RC3H2: variants seen among roughly 807,000 people sequenced by gnomAD.
The protein encoded by RC3H2 is roquin-2.
A neutral mutation model predicts 133.3 loss-of-function variants in RC3H2; 31 were observed. That is an observed-to-expected ratio of 0.23 (90% confidence interval 0.17 to 0.31). RC3H2 has a LOEUF of 0.31. Among genes scored for constraint, RC3H2 ranks in the 10% least tolerant of loss-of-function variants. The pLI is 1.00. For missense variants in RC3H2, 1,175 were observed against 1,437.2 expected (o/e 0.82, Z 2.95); for synonymous variants, 517 against 502.2 (o/e 1.03, Z -0.40).
intron 1 of RC3H2, among the ~76,000 whole-genome samples, chr9:122,902,538 A>G (rs1832696055): frequency 6.6e-6 from 1 of 152,160 alleles, no homozygotes; most frequent in Non-Finnish European, 1.5e-5. Context: ...ATTTTCTGGT[A>G]GTCACATTAA....
chr9:122,855,476 G>A lies in RC3H2; in HGVS notation c.2602-79C>T, dbSNP rs1049683803. The stretch of plus-strand genomic sequence containing the variant: ...GTAAATATATGCTATCAAAAGACAT[G>A]TAATTAGGTTTTTTGGTTAATTTAA... On this transcript the variant is annotated intron_variant, in intron 14 of 20. Coordinates refer to ENST00000357244, the MANE Select transcript of RC3H2 (RefSeq NM_001100588.3). The A allele has an allele frequency of 8.9e-6, 12 of 1,349,004 alleles. No individual in the cohort carries two copies. In the African/African-American group the frequency reaches 1.2e-4, roughly 13 times the overall value. The allele number at this position is 1,349,004 out of a possible 1,614,324, so 83.6% of individuals were successfully genotyped here. A position where few individuals can be genotyped will look rare whatever the true frequency, so the allele number is the denominator to read the frequency against.
At chr9:122,880,494 T>C (rs972630592) in intron 6 of RC3H2, 100 bp downstream of exon 6, 193 of 923,454 alleles carry the variant, frequency 2.1e-4, no homozygotes, top group Admixed American at 1.5e-3. Flanking sequence ...TTTAAAAACA[T>C]AGGAATCTCC....
At chr9:122,885,330 A>G (rs181728764) in intron 4 of RC3H2, among the ~76,000 whole-genome samples, 98 of 152,376 alleles carry the variant, frequency 6.4e-4, no homozygotes, top group African/African-American at 2.2e-3. Context: ...TCTCTGCATT[A>G]TTCTTACAAC....
At position 122,854,261 on chromosome 9, in the gene RC3H2, C is replaced by T. The variant is rs776108258; in HGVS notation, c.2906G>A (p.Arg969Lys). Residue 969 changes from arginine (R) to lysine (K), a missense_variant, in exon 17 of 21, where the codon AGA (arginine) becomes AAA (lysine). By Grantham distance (26) the Arg-to-Lys change is conservative. Around this residue, in one of 8 missense-constraint regions of RC3H2, gnomAD observed 138 missense variants for 215.0 expected, o/e 0.64. Transcript: ENST00000357244. ...TSSAHYVERD[R>K]FIVTDLSGHR... ...ACCAGATAAATCAGTAACAATGAAT[C>T]TGTCCCTTTAAAGAGAAATATGTTT... 19 of 1,610,814 alleles carry T rather than the reference C, an allele frequency of 1.2e-5. No individual in the cohort carries two copies. The highest frequency in any genetic ancestry group is 5.5e-5 in the South Asian group (5 of 90,676).
intron 9 of RC3H2, 84 bp from the exon 10 acceptor site, chr9:122,865,741 G>C (rs1802502235): frequency 5.2e-6 from 6 of 1,159,074 alleles, no homozygotes; most frequent in South Asian, 1.4e-5. Context: ...AATGGGAATA[G>C]ATTGAAAAAG....
intron 9 of RC3H2, among the ~76,000 whole-genome samples, chr9:122,871,514 G>C (rs942358064): frequency 6.6e-6 from 1 of 151,382 alleles, no homozygotes; most frequent in East Asian, 1.9e-4. Context: ...AGTGGGGGGG[G>C]GGGTTTCATC....
chr9:122,863,433 C>G (rs1830530417), intron 10 of RC3H2, among the ~76,000 whole-genome samples: 1 of 152,192 alleles, frequency 6.6e-6, no homozygotes, highest in Admixed American at 6.5e-5. Context: ...ATCTAAAAGA[C>G]TGGTCTCCTC....
intron 18 of RC3H2, 83 bp from the exon 19 acceptor site, chr9:122,851,519 T>A: frequency 6.6e-7 from 1 of 1,525,530 alleles, no homozygotes; most frequent in Non-Finnish European, 8.8e-7. Context: ...CCTCTCCCTC[T>A]CTTTCCATGG....
At chr9:122,891,428 A>T (rs890782913) in intron 3 of RC3H2, among the ~76,000 whole-genome samples, 1 of 152,130 alleles carries the variant, frequency 6.6e-6, no homozygotes, top group Non-Finnish European at 1.5e-5. Flanking sequence ...GTAGATCACT[A>T]CAATTGATCT....
Position 122,882,309 on chromosome 9 carries a change from T to G in RC3H2, c.759+895A>C, listed in dbSNP as rs1249076856. Among the ~76,000 whole-genome samples, 3 of 152,336 alleles carry G rather than the reference T, an allele frequency of 2.0e-5. No homozygotes were observed. In the East Asian group the frequency reaches 5.8e-4, roughly 29 times the overall value. On this transcript the variant is annotated intron_variant, in intron 5 of 20. Transcript: ENST00000357244. ...AACACTATGACTATGAGGCAGCTAG[T>G]GTCCAAGCCTCATTAGTGGAGTTAA...
intron 5 of RC3H2, among the ~76,000 whole-genome samples, chr9:122,882,732 C>G (rs1353743245): frequency 6.6e-6 from 1 of 152,242 alleles, no homozygotes; most frequent in Non-Finnish European, 1.5e-5. Context: ...GTGGGCCAAT[C>G]TCCTCAACTT....
intron 7 of RC3H2, 29 bp from the exon 8 acceptor site, chr9:122,879,902 T>C: frequency 6.2e-7 from 1 of 1,610,634 alleles, no homozygotes; most frequent in Non-Finnish European, 8.5e-7. Flanking sequence ...GGCATGGGGG[T>C]TGGGGGGGAA....
At position 122,905,244 on chromosome 9, in the gene RC3H2, C is replaced by T. The variant is rs1462301975; in HGVS notation, c.-202G>A. On this transcript the variant is annotated 5_prime_UTR_variant, in exon 1 of 21. Transcript: ENST00000357244. Reference sequence around the variant, plus strand: ...TCACGACCTCAAACTCCATCGGGAGCTACAGGGACAGCCCCGTTGGCGGCG... The same window carrying T: ...TCACGACCTCAAACTCCATCGGGAGTTACAGGGACAGCCCCGTTGGCGGCG... The T allele has an allele frequency of 3.0e-6, 3 of 985,528 alleles. No homozygotes were observed. In the East Asian group the frequency reaches 3.4e-4, roughly 112 times the overall value. 61.0% of individuals were successfully genotyped at this position (985,528 alleles called of 1,614,324 possible). A position where few individuals can be genotyped will look rare whatever the true frequency, so the allele number is the denominator to read the frequency against.
chr9:122,869,257 A>G (rs923946487), intron 9 of RC3H2, among the ~76,000 whole-genome samples: 6 of 152,114 alleles, frequency 3.9e-5, no homozygotes, highest in Admixed American at 1.3e-4. Flanking sequence ...CAGAAAGAAG[A>G]CTATACATAT....
At chr9:122,850,986 C>A in intron 20 of RC3H2, 95 bp downstream of exon 20, 2 of 1,328,088 alleles carry the variant, frequency 1.5e-6, no homozygotes, top group Admixed American at 1.9e-5. Context: ...ATAAGGTCTT[C>A]CCCTCACAGC....
chr9:122,855,894 T>A lies in RC3H2; in HGVS notation c.2455-16A>T, dbSNP rs765141020. ...TCTCTGAGAACTGGTTAAAAAAAAA[T>A]AAATAAAGCCAATTAGTAAGAAGCT... On this transcript the variant is annotated splice_polypyrimidine_tract_variant and intron_variant, in intron 13 of 20. Coordinates refer to ENST00000357244, the MANE Select transcript of RC3H2 (RefSeq NM_001100588.3). 9.4e-5 allele frequency: 149 copies of A among 1,585,320 alleles called. No homozygotes were observed. Among genetic ancestry groups the A allele is most frequent in the African/African-American group, 2.2e-4 (16 of 72,088 alleles).
At chr9:122,882,395 G>A (rs989504806) in intron 5 of RC3H2, among the ~76,000 whole-genome samples, 1 of 152,166 alleles carries the variant, frequency 6.6e-6, no homozygotes, top group Non-Finnish European at 1.5e-5. Context: ...TAAGTGTTCT[G>A]CCAAAGAAAC....
At chr9:122,854,449 T>G in intron 16 of RC3H2, 82 bp downstream of exon 16, 1 of 1,220,564 alleles carries the variant, frequency 8.2e-7, no homozygotes. Context: ...GCACATTTCA[T>G]GAACTGGGGG....
rs774483446 is a variant in RC3H2, at chr9:122,892,995, T to C, written c.263A>G (p.Asn88Ser). 6.2e-7 allele frequency: 1 copy of C among 1,610,624 alleles called. No individual in the cohort carries two copies. The highest frequency in any genetic ancestry group is 1.7e-5 in the Admixed American group (1 of 59,836). The change falls in exon 3 of 21, where the codon AAT (asparagine) becomes AGT (serine). Residue 88 changes from asparagine (N) to serine (S), a missense_variant. Transcript: ENST00000357244. ...CTCATAGTGTTTATTCTCACCTAGA[T>C]TACTTAACTTAATTGACTGATGATC... is the stretch of plus-strand genomic sequence containing the variant. ...VPDHQSIKLS[N>S]LGENKHYEVA...
Sources: allele counts gnomAD v4.1 joint callset (sites outside exome capture counted in the v4.1 genomes callset), GRCh38; gene constraint gnomAD v4.1.1; regional missense constraint gnomAD v4.1.1; transcripts MANE v1.5; gene names NCBI Gene and HGNC (gene_info 2026-07-23, HGNC 2026-07-21).